Variants in HMGN5 observed in about 807,000 individuals in gnomAD.
HMGN5 encodes the protein high mobility group nucleosome-binding domain-containing protein 5.
In HMGN5, 4 loss-of-function variants were observed where a neutral mutation model predicts 9.5. The observed-to-expected ratio is 0.42, with a 90% confidence interval of 0.21 to 0.96. The LOEUF (loss-of-function observed/expected upper bound fraction) is 0.96, where lower values mean the gene tolerates loss of function less well. HMGN5 is among the 40% of genes least tolerant of loss of function. HMGN5 has a pLI of 0.30. For synonymous variants in HMGN5, 55 were observed against 57.1 expected, an observed-to-expected ratio of 0.96 and a Z score of 0.16; for missense variants, 192 against 187.5, an observed-to-expected ratio of 1.02 and a Z score of -0.14.
At chrX:81,161,612 C>T (rs1365875910) in intron 1 of HMGN5, among the ~76,000 whole-genome samples, 2 of 110,328 alleles carry the variant, frequency 1.8e-5, no homozygotes, top group Admixed American at 9.7e-5. Context: ...CAGAGGAGTA[C>T]GAAAGACTCT....
chrX:81,187,633 G>A (rs2075481292), intron 1 of HMGN5, among the ~76,000 whole-genome samples: 1 of 111,197 alleles, frequency 9.0e-6, no homozygotes, highest in Admixed American at 9.6e-5. Context: ...CAGATAATTG[G>A]GTATTTTTTA....
At chrX:81,187,003 A>C (rs765701183) in intron 1 of HMGN5, among the ~76,000 whole-genome samples, 3 of 111,227 alleles carry the variant, frequency 2.7e-5, no homozygotes, top group Non-Finnish European at 5.7e-5. Context: ...TGTTTTTATA[A>C]TTTCCTAAAT....
chrX:81,152,154 T>G (rs1230373211), intron 1 of HMGN5, among the ~76,000 whole-genome samples: 2 of 111,429 alleles, frequency 1.8e-5, no homozygotes, highest in Non-Finnish European at 3.8e-5. Flanking sequence ...GGGATCTAAT[T>G]AAACTAAAGA....
At chrX:81,190,640 C>T (rs1239054177) in intron 1 of HMGN5, among the ~76,000 whole-genome samples, 1 of 111,561 alleles carries the variant, frequency 9.0e-6, no homozygotes, top group Non-Finnish European at 1.9e-5. Flanking sequence ...TCTAAAATGT[C>T]ATTGTTAAAC....
chrX:81,170,128 G>T (rs1182310975), intron 1 of HMGN5, among the ~76,000 whole-genome samples: 1 of 108,278 alleles, frequency 9.2e-6, no homozygotes, highest in Non-Finnish European at 1.9e-5. Context: ...AGTAGTGAGA[G>T]ATATCTTAAG....
At chrX:81,173,399 A>C (rs1264808308) in intron 1 of HMGN5, among the ~76,000 whole-genome samples, 1 of 111,689 alleles carries the variant, frequency 9.0e-6, no homozygotes, top group African/African-American at 3.2e-5. Flanking sequence ...TATTGAATAA[A>C]AGCAGTTAAT....
In HMGN5 at chrX:81,115,049, T is replaced by C; in HGVS notation, c.449A>G (p.Asp150Gly). ...EKGEAGKEDK[D>G]EKGEEDGKED... is the part of the protein sequence containing the mutation. ...TTTTCCATCTTCTTCCCCTTTTTCA[T>C]CTTTGTCTTCTTTTCCAGCTTCCCC... Residue 150 changes from aspartate (D) to glycine (G), a missense_variant, in exon 7 of 7, where the codon GAT becomes GGT. Asp to Gly is a moderately conservative substitution (Grantham distance 94). Transcript: ENST00000358130. 8.6e-7 allele frequency: 1 copy of C among 1,158,176 alleles called. No homozygotes were observed.
chrX:81,194,979 G>A (rs1028025967), intron 1 of HMGN5: 22 of 111,984 alleles, frequency 2.0e-4, no homozygotes, highest in African/African-American at 7.2e-4. Flanking sequence ...GTAATTTCTG[G>A]ACAACCACTC....
intron 1 of HMGN5, among the ~76,000 whole-genome samples, chrX:81,150,137 C>G (rs1172622668): frequency 7.1e-5 from 8 of 112,430 alleles, no homozygotes; most frequent in Non-Finnish European, 1.5e-4. Flanking sequence ...AAATGATTCT[C>G]AAGAATAGAC....
chrX:81,140,343 G>A (rs1348710086), intron 1 of HMGN5, among the ~76,000 whole-genome samples: 5 of 110,464 alleles, frequency 4.5e-5, no homozygotes, highest in African/African-American at 1.6e-4. Flanking sequence ...GGCGGATCAC[G>A]AGGTCAGGAG....
At chrX:81,139,127 A>G (rs151318086) in intron 1 of HMGN5, among the ~76,000 whole-genome samples, 278 of 112,476 alleles carry the variant, frequency 2.5e-3, no homozygotes, top group African/African-American at 8.5e-3. Context: ...GACATATTCT[A>G]AAATTTCTAT....
rs1323161084 is a variant in HMGN5 at position 81,186,696 on chromosome X, T to G, written c.-124+15041A>C. Among the ~76,000 whole-genome samples, 5 of 111,515 alleles carry G rather than the reference T, an allele frequency of 4.5e-5. No individual in the cohort carries two copies. The Admixed American group carries it at 4.8e-4, about 11-fold the overall frequency. ...TTAATTTTAATTTTTTAATTTTTAATTTTTTGGGTACATAGTAGGTGTATA... is the reference window on the plus strand; with the variant it reads ...TTAATTTTAATTTTTTAATTTTTAAGTTTTTGGGTACATAGTAGGTGTATA... On this transcript the variant is annotated intron_variant, in intron 1 of 6. Coordinates refer to ENST00000358130, the MANE Select transcript of HMGN5 (RefSeq NM_030763.3).
At chrX:81,144,681 T>G (rs1419549246) in intron 1 of HMGN5, among the ~76,000 whole-genome samples, 1 of 111,301 alleles carries the variant, frequency 9.0e-6, no homozygotes, top group Non-Finnish European at 1.9e-5. Context: ...CTTCAGAAGG[T>G]GGGTAATAAC....
At chrX:81,165,146 T>C (rs1229209618) in intron 1 of HMGN5, among the ~76,000 whole-genome samples, 1 of 111,295 alleles carries the variant, frequency 9.0e-6, no homozygotes, top group Non-Finnish European at 1.9e-5. Flanking sequence ...TACCTTCTCT[T>C]CTAAATCTGT....
intron 1 of HMGN5, among the ~76,000 whole-genome samples, chrX:81,162,234 G>C (rs1260215554): frequency 9.1e-6 from 1 of 110,194 alleles, no homozygotes; most frequent in East Asian, 2.9e-4. Context: ...TTGTCTGATA[G>C]AGTGGATTAT....
chrX:81,178,355 C>T (rs754253696), intron 1 of HMGN5, among the ~76,000 whole-genome samples: 16 of 110,973 alleles, frequency 1.4e-4, no homozygotes, highest in African/African-American at 5.2e-4. Flanking sequence ...CAAATAGATG[C>T]AATAAAAAAG....
chrX:81,132,709 G>C (rs2075300934), intron 1 of HMGN5, among the ~76,000 whole-genome samples: 1 of 111,400 alleles, frequency 9.0e-6, no homozygotes, highest in African/African-American at 3.3e-5. Flanking sequence ...GATGGATAAA[G>C]ACTTAAATGT....
intron 1 of HMGN5, among the ~76,000 whole-genome samples, chrX:81,134,989 A>C (rs1318322958): frequency 8.9e-6 from 1 of 111,774 alleles, no homozygotes; most frequent in Non-Finnish European, 1.9e-5. Flanking sequence ...TAGATGACAG[A>C]CCTAAATGTA....
intron 1 of HMGN5, among the ~76,000 whole-genome samples, chrX:81,149,862 A>G (rs981084553): frequency 8.9e-6 from 1 of 111,875 alleles, no homozygotes; most frequent in Non-Finnish European, 1.9e-5. Flanking sequence ...TGCTTTAACA[A>G]TGTTAAACAT....
Sources: allele counts gnomAD v4.1 joint callset (sites outside exome capture counted in the v4.1 genomes callset), GRCh38; gene constraint gnomAD v4.1.1; transcripts MANE v1.5; gene names NCBI Gene and HGNC (gene_info 2026-07-23, HGNC 2026-07-21).